The following ADAM23 variants were observed in gnomAD, a reference collection of about 807,000 sequenced individuals.
ADAM23 encodes the protein ADAM metallopeptidase domain 23.
Under a neutral mutation model 120.1 loss-of-function variants are expected in ADAM23, and 33 were observed. The observed-to-expected ratio is 0.27, with a 90% CI of 0.21 to 0.37. The LOEUF is 0.37. Ranked by LOEUF, ADAM23 falls within the 10% of genes least tolerant of loss-of-function variation. The pLI is 1.00. For missense variants in ADAM23, 862 were observed against 1,058.2 expected, an observed-to-expected ratio of 0.81 and a Z score of 2.57; for synonymous variants, 367 against 375.2, an observed-to-expected ratio of 0.98 and a Z score of 0.25.
chr2:206,474,092 G>C (rs1695724678), intron 2 of ADAM23, among the ~76,000 whole-genome samples: 1 of 151,370 alleles, frequency 6.6e-6, no homozygotes, highest in Non-Finnish European at 1.5e-5. Flanking sequence ...TCTTACATAA[G>C]GTAGGTATTT....
intron 2 of ADAM23, among the ~76,000 whole-genome samples, chr2:206,453,346 A>T (rs1695234936): frequency 6.6e-6 from 1 of 152,244 alleles, no homozygotes; most frequent in Admixed American, 6.5e-5. Flanking sequence ...ACATCATGTC[A>T]TCTCCATCTT....
At chr2:206,566,638 C>T (rs184232287) in intron 14 of ADAM23, among the ~76,000 whole-genome samples, 15 of 152,220 alleles carry the variant, frequency 9.9e-5, no homozygotes, top group African/African-American at 3.4e-4. Context: ...TTCATGGAAG[C>T]GTACCCCAAT....
intron 3 of ADAM23, among the ~76,000 whole-genome samples, chr2:206,495,308 G>C (rs1696218862): frequency 6.6e-6 from 1 of 151,784 alleles, no homozygotes; most frequent in Admixed American, 6.6e-5. Flanking sequence ...TCTCTCGGCA[G>C]AAACTCTACA....
At chr2:206,451,430 G>C (rs543804227) in intron 2 of ADAM23, among the ~76,000 whole-genome samples, 5 of 152,162 alleles carry the variant, frequency 3.3e-5, no homozygotes, top group Non-Finnish European at 5.9e-5. Flanking sequence ...AGTAGAGATG[G>C]GGTTTCACCA....
intron 4 of ADAM23, among the ~76,000 whole-genome samples, chr2:206,535,863 G>A (rs948592427): frequency 6.6e-6 from 1 of 152,148 alleles, no homozygotes; most frequent in Non-Finnish European, 1.5e-5. Flanking sequence ...TTTTTCTGAG[G>A]TGATGAGACT....
intron 24 of ADAM23, among the ~76,000 whole-genome samples, chr2:206,602,428 C>T (rs1473708230): frequency 6.6e-6 from 1 of 151,962 alleles, no homozygotes; most frequent in African/African-American, 2.4e-5. Flanking sequence ...AAATATGGAG[C>T]TACATACCAA....
chr2:206,493,530 G>C (rs1307913851), intron 3 of ADAM23, among the ~76,000 whole-genome samples: 3 of 151,980 alleles, frequency 2.0e-5, no homozygotes, highest in Non-Finnish European at 4.4e-5. Context: ...CCGCCACCAC[G>C]CCCAGCTAAT....
intron 2 of ADAM23, among the ~76,000 whole-genome samples, chr2:206,461,830 C>T (rs1695426115): frequency 6.6e-6 from 1 of 152,058 alleles, no homozygotes; most frequent in Admixed American, 6.6e-5. Flanking sequence ...GGACAAGCTG[C>T]CTCCTGAGAT....
chr2:206,487,638 G>A (rs1696042101), intron 3 of ADAM23, among the ~76,000 whole-genome samples: 1 of 152,208 alleles, frequency 6.6e-6, no homozygotes, highest in South Asian at 2.1e-4. Context: ...GAACACCCAG[G>A]TCCTCAGCAT....
At chr2:206,499,257 C>A (rs1696328084) in intron 3 of ADAM23, among the ~76,000 whole-genome samples, 3 of 151,928 alleles carry the variant, frequency 2.0e-5, no homozygotes, top group East Asian at 1.9e-4. Flanking sequence ...AAATGTCCAA[C>A]AATGATAGAC....
chr2:206,482,542 C>T (rs2284983), intron 3 of ADAM23, among the ~76,000 whole-genome samples: 42,297 of 152,004 alleles, frequency 0.28, 6,011 homozygotes, highest in South Asian at 0.32. Flanking sequence ...GCAGAGCCTC[C>T]CAGTCAATTA....
At chr2:206,508,060 C>T (rs541593353) in intron 3 of ADAM23, among the ~76,000 whole-genome samples, 112 of 152,136 alleles carry the variant, frequency 7.4e-4, no homozygotes, top group African/African-American at 2.1e-3. Context: ...GACGGAGTCT[C>T]GCTCTGTTTC....
At position 206,614,032 on chromosome 2, in the gene ADAM23, G is replaced by A. The variant is rs150541721; in HGVS notation, c.2451-3547G>A. The stretch of plus-strand genomic sequence containing the variant: ...TTTCCAGTGATACCGTAACACCTCA[G>A]TCTGTAGAACCTCATCACCACGTCT... On this transcript the variant is annotated intron_variant, in intron 25 of 25. Transcript: ENST00000264377. Among the ~76,000 whole-genome samples, 336 of 152,304 alleles carry A rather than the reference G, an allele frequency of 2.2e-3. 2 individuals carry two copies. The highest frequency in any genetic ancestry group is 7.6e-3 in the African/African-American group (316 of 41,568).
At chr2:206,560,799 A>G (rs1268070428) in intron 11 of ADAM23, among the ~76,000 whole-genome samples, 1 of 152,134 alleles carries the variant, frequency 6.6e-6, no homozygotes, top group Non-Finnish European at 1.5e-5. Flanking sequence ...ATTTTTAATA[A>G]TCAGCAATAT....
intron 3 of ADAM23, among the ~76,000 whole-genome samples, chr2:206,515,734 G>A (rs1365874567): frequency 6.6e-6 from 1 of 152,074 alleles, no homozygotes; most frequent in Non-Finnish European, 1.5e-5. Context: ...TTAGACTGGA[G>A]TCTAAAAGTG....
intron 24 of ADAM23, among the ~76,000 whole-genome samples, chr2:206,607,483 T>C (rs1477123662): frequency 6.6e-6 from 1 of 152,230 alleles, no homozygotes; most frequent in Non-Finnish European, 1.5e-5. Flanking sequence ...AATGTACTAA[T>C]TGAAAGGATG....
At chr2:206,601,276 C>T (rs1294412295) in intron 24 of ADAM23, among the ~76,000 whole-genome samples, 1 of 152,128 alleles carries the variant, frequency 6.6e-6, no homozygotes, top group Non-Finnish European at 1.5e-5. Flanking sequence ...TTGGTCAGAC[C>T]TTTTCATCAC....
intron 24 of ADAM23, among the ~76,000 whole-genome samples, chr2:206,600,174 C>T (rs1374415298): frequency 6.6e-6 from 1 of 152,152 alleles, no homozygotes; most frequent in Non-Finnish European, 1.5e-5. Context: ...TGCACTCCAA[C>T]CTGGGCAACA....
chr2:206,597,178 C>CTTTTT (rs1173847537), intron 24 of ADAM23, among the ~76,000 whole-genome samples: 2 of 126,126 alleles, frequency 1.6e-5, no homozygotes, highest in Non-Finnish European at 3.4e-5. Context: ...CTTACATCAT[C>CTTTTT]TTTTTTTTTT....
Sources: allele counts gnomAD v4.1 joint callset (sites outside exome capture counted in the v4.1 genomes callset), GRCh38; gene constraint gnomAD v4.1.1; transcripts MANE v1.5; gene names NCBI Gene and HGNC (gene_info 2026-07-23, HGNC 2026-07-21).